SLC9A9: variants seen among roughly 807,000 people sequenced by gnomAD.
SLC9A9 encodes the protein solute carrier family 9 member A9.
Under a neutral mutation model 77.8 loss-of-function variants are expected in SLC9A9, and 62 were observed. That is an observed-to-expected ratio of 0.80 (90% confidence interval 0.65 to 0.98). The LOEUF (loss-of-function observed/expected upper bound fraction) is 0.98. Among genes scored for constraint, SLC9A9 ranks in the 50% least tolerant of loss-of-function variants. The pLI, the probability that SLC9A9 is intolerant of heterozygous loss-of-function variation, is 0.00. For synonymous variants in SLC9A9, 320 were observed against 283.5 expected (o/e 1.13, Z -1.29); for missense variants, 775 against 774.9 (o/e 1.00, Z 0.00).
At chr3:143,381,918 TA>T in intron 13 of SLC9A9, 141 bp downstream of exon 13, 2 of 954,518 alleles carry the variant, frequency 2.1e-6, no homozygotes, top group South Asian at 2.7e-5. Flanking sequence ...CCTTGTATTT[TA>T]TTGTAATCTC....
intron 4 of SLC9A9, among the ~76,000 whole-genome samples, chr3:143,750,501 T>C (rs2006666941): frequency 6.6e-6 from 1 of 152,202 alleles, no homozygotes; most frequent in African/African-American, 2.4e-5. Context: ...CCATTACTGA[T>C]ACATTTGTTC....
chr3:143,536,650 C>A (rs1037101488), intron 9 of SLC9A9, among the ~76,000 whole-genome samples: 6 of 152,188 alleles, frequency 3.9e-5, no homozygotes, highest in Admixed American at 2.0e-4. Context: ...GACTGTGGGA[C>A]TGCCTTCCCA....
intron 6 of SLC9A9, among the ~76,000 whole-genome samples, chr3:143,587,935 C>T (rs749316986): frequency 5.3e-5 from 8 of 152,140 alleles, no homozygotes; most frequent in Admixed American, 2.0e-4. Flanking sequence ...GAAACAGCTG[C>T]AGTGAGCATT....
intron 14 of SLC9A9, among the ~76,000 whole-genome samples, chr3:143,306,399 A>G (rs1213028354): frequency 1.3e-5 from 2 of 152,228 alleles, no homozygotes; most frequent in Non-Finnish European, 2.9e-5. Flanking sequence ...ACCAAAGGTA[A>G]CATTTGAATC....
chr3:143,679,280 C>A (rs1350949090), intron 5 of SLC9A9, among the ~76,000 whole-genome samples: 1 of 152,144 alleles, frequency 6.6e-6, no homozygotes, highest in African/African-American at 2.4e-5. Flanking sequence ...ATGTCAGGAT[C>A]AGTGCAAAAG....
intron 6 of SLC9A9, among the ~76,000 whole-genome samples, chr3:143,586,960 T>C (rs967536815): frequency 6.6e-6 from 1 of 152,234 alleles, no homozygotes; most frequent in African/African-American, 2.4e-5. Flanking sequence ...GAAACATCAA[T>C]TAACTCTTTC....
intron 4 of SLC9A9, among the ~76,000 whole-genome samples, chr3:143,738,542 A>G (rs1304553945): frequency 2.0e-5 from 3 of 152,152 alleles, no homozygotes; most frequent in Non-Finnish European, 4.4e-5. Flanking sequence ...TCCAGCAACC[A>G]ATCCTCCAGT....
intron 14 of SLC9A9, among the ~76,000 whole-genome samples, chr3:143,326,007 G>A (rs150252821): frequency 1.7e-3 from 259 of 152,228 alleles, no homozygotes; most frequent in Non-Finnish European, 3.3e-3. Context: ...TTCTATTCAT[G>A]CATGCAAGTG....
rs138464157 is a variant in SLC9A9 at position 143,486,166 on chromosome 3, A to G, written c.1315+7487T>C. On this transcript the variant is annotated intron_variant, in intron 11 of 15. Coordinates refer to ENST00000316549, the MANE Select transcript of SLC9A9 (RefSeq NM_173653.4). ...AAAAAAATAAAAAACAAAAACAAAA[A>G]CAAAAACCACTTGTCAACCAAGATT... 1.5e-3 allele frequency among the ~76,000 whole-genome samples: 223 copies of G among 152,238 alleles called. 1 individual carries two copies. Among genetic ancestry groups the G allele is most frequent in the African/African-American group, 5.2e-3 (216 of 41,582 alleles).
At chr3:143,671,015 T>G (rs2039146808) in intron 5 of SLC9A9, among the ~76,000 whole-genome samples, 1 of 152,228 alleles carries the variant, frequency 6.6e-6, no homozygotes, top group African/African-American at 2.4e-5. Context: ...ACCTGATTTG[T>G]CTCCCATCTC....
intron 12 of SLC9A9, among the ~76,000 whole-genome samples, chr3:143,410,292 C>A (rs931276278): frequency 6.6e-6 from 1 of 152,180 alleles, no homozygotes; most frequent in Non-Finnish European, 1.5e-5. Context: ...CTGGGGTAAG[C>A]AGGGCTATAA....
chr3:143,739,293 C>T (rs367887332), intron 4 of SLC9A9, among the ~76,000 whole-genome samples: 13 of 152,222 alleles, frequency 8.5e-5, no homozygotes, highest in African/African-American at 2.2e-4. Context: ...ACTTCTATCA[C>T]GCAGAAAATG....
intron 5 of SLC9A9, among the ~76,000 whole-genome samples, chr3:143,653,692 A>C (rs2038839619): frequency 6.6e-6 from 1 of 152,210 alleles, no homozygotes; most frequent in Non-Finnish European, 1.5e-5. Flanking sequence ...GCAGAAGAGC[A>C]GAGGGCAGAA....
At chr3:143,831,487 C>A (rs759713556) in intron 2 of SLC9A9, among the ~76,000 whole-genome samples, 4 of 152,164 alleles carry the variant, frequency 2.6e-5, no homozygotes, top group Non-Finnish European at 5.9e-5. Context: ...CTGATAGTCA[C>A]GATTTCTTGA....
intron 4 of SLC9A9, among the ~76,000 whole-genome samples, chr3:143,758,880 T>G (rs2007019371): frequency 6.6e-6 from 1 of 152,128 alleles, no homozygotes; most frequent in Admixed American, 6.6e-5. Context: ...CTAACAAGTT[T>G]CTACAGCCTC....
intron 4 of SLC9A9, among the ~76,000 whole-genome samples, chr3:143,749,305 T>C (rs1476638413): frequency 6.6e-6 from 1 of 152,170 alleles, no homozygotes; most frequent in Non-Finnish European, 1.5e-5. Context: ...CCTGTTTTCC[T>C]CCCTTTAGAA....
intron 12 of SLC9A9, among the ~76,000 whole-genome samples, chr3:143,456,942 T>C (rs534254353): frequency 5.1e-4 from 78 of 152,308 alleles, no homozygotes; most frequent in African/African-American, 1.4e-3. Flanking sequence ...TTGTCAAGAA[T>C]TGTTACATTT....
At chr3:143,690,699 A>G (rs1933436020) in intron 5 of SLC9A9, among the ~76,000 whole-genome samples, 3 of 152,176 alleles carry the variant, frequency 2.0e-5, no homozygotes, top group African/African-American at 4.8e-5. Context: ...TGTGTTCATA[A>G]TGATGTTTTT....
intron 14 of SLC9A9, among the ~76,000 whole-genome samples, chr3:143,341,284 A>G (rs1370553867): frequency 2.6e-5 from 4 of 152,110 alleles, no homozygotes; most frequent in Non-Finnish European, 5.9e-5. Flanking sequence ...GGTCTTGAGA[A>G]TATATACCTG....
Sources: gnomAD v4.1 joint callset for allele counts (sites outside exome capture counted in the v4.1 genomes callset) on GRCh38, gnomAD v4.1.1 for gene constraint, MANE v1.5 for transcripts, NCBI Gene and HGNC (gene_info 2026-07-23, HGNC 2026-07-21) for gene names.